Variants in NSL1 observed in about 807,000 individuals in gnomAD.
The protein encoded by NSL1 is NSL1 component of MIS12 kinetochore complex.
Under a neutral mutation model 25.4 loss-of-function variants are expected in NSL1, and 11 were observed. That is an observed-to-expected ratio of 0.43 (90% CI 0.27 to 0.72). The LOEUF (loss-of-function observed/expected upper bound fraction) is 0.72. Ranked by LOEUF, NSL1 falls within the 30% of genes least tolerant of loss-of-function variation. The probability of loss-of-function intolerance (pLI) is 0.19; values close to 1 mark genes in which losing one functional copy is unlikely to be tolerated. For synonymous variants in NSL1, 118 were observed against 120.6 expected (o/e 0.98, Z 0.14); for missense variants, 330 against 342.7 (o/e 0.96, Z 0.29).
chr1:212,739,439 T>C, intron 5 of NSL1, 95 bp downstream of exon 5: 9 of 1,121,578 alleles, frequency 8.0e-6, no homozygotes, highest in Non-Finnish European at 1.2e-5. Flanking sequence ...TGAGAATTCC[T>C]GTTAGAGCAG....
rs555144427 is a variant in NSL1, at chr1:212,729,853, C to T, written c.*8555G>A. The T allele has an allele frequency of 1.5e-5, 15 of 984,876 alleles. No individual in the cohort carries two copies. The highest frequency in any genetic ancestry group is 1.1e-4 in the East Asian group (1 of 8,810). The allele number at this position is 984,876 out of a possible 1,614,324, so 61.0% of individuals were successfully genotyped here. A position where few individuals can be genotyped will look rare whatever the true frequency, so the allele number is the denominator to read the frequency against. ...GCTGCAAAGGGCAGTGATGTGTGGA[C>T]GAAGGGGTTGCTGGGGTGACCCAGG... On this transcript the variant is annotated 3_prime_UTR_variant, in exon 6 of 6. Transcript: ENST00000366977.
At chr1:212,769,743 C>T (rs1392065803) in intron 4 of NSL1, among the ~76,000 whole-genome samples, 1 of 152,070 alleles carries the variant, frequency 6.6e-6, no homozygotes, top group East Asian at 1.9e-4. Flanking sequence ...GTTACCACTA[C>T]AGAAAACCAC....
intron 4 of NSL1, among the ~76,000 whole-genome samples, chr1:212,751,490 T>C (rs1456775623): frequency 1.3e-5 from 2 of 152,212 alleles, no homozygotes; most frequent in East Asian, 3.8e-4. Flanking sequence ...AATTATACTG[T>C]CCTCATAAGA....
At chr1:212,789,472 A>C (rs759686659) in intron 1 of NSL1, among the ~76,000 whole-genome samples, 3 of 143,632 alleles carry the variant, frequency 2.1e-5, no homozygotes, top group Admixed American at 6.7e-5. Flanking sequence ...TCAGCCTCCC[A>C]AAGTGCTGGG....
chr1:212,770,489 C>CA (rs1489515861), intron 4 of NSL1, among the ~76,000 whole-genome samples: 21 of 150,454 alleles, frequency 1.4e-4, no homozygotes, highest in South Asian at 2.1e-4. Flanking sequence ...AACAAACAAA[C>CA]AAACAAAAAA....
At chr1:212,777,067 A>C (rs954441222) in intron 4 of NSL1, among the ~76,000 whole-genome samples, 2 of 151,846 alleles carry the variant, frequency 1.3e-5, no homozygotes, top group African/African-American at 2.4e-5. Context: ...GACTAAAAAA[A>C]AAAAAACAAA....
Position 212,728,456 on chromosome 1 carries a change from A to T in NSL1, c.*9952T>A, listed in dbSNP as rs1424307193. 1 of 985,272 alleles carries T rather than the reference A, an allele frequency of 1.0e-6. No individual in the cohort carries two copies. The highest frequency in any genetic ancestry group is 1.7e-5 in the African/African-American group (1 of 57,232). The allele number at this position is 985,272 out of a possible 1,614,324, so 61.0% of individuals were successfully genotyped here. ...CTCAATCTCTTCCTTTTCTTTGGGT[A>T]ATCTTTTATCTTGAACTACCAAGAG... On this transcript the variant is annotated 3_prime_UTR_variant, in exon 6 of 6. Coordinates refer to ENST00000366977, the MANE Select transcript of NSL1 (RefSeq NM_015471.4).
At chr1:212,762,355 C>T (rs929156968) in intron 4 of NSL1, among the ~76,000 whole-genome samples, 1 of 149,292 alleles carries the variant, frequency 6.7e-6, no homozygotes, top group Non-Finnish European at 1.5e-5. Flanking sequence ...TTGTGTTAGA[C>T]CACATTCAAA....
intron 1 of NSL1, among the ~76,000 whole-genome samples, chr1:212,790,591 T>C (rs1661165045): frequency 6.6e-6 from 1 of 152,114 alleles, no homozygotes. Context: ...TACCGCACAT[T>C]TGTGAGTTAT....
chr1:212,727,011 C>G lies in NSL1; in HGVS notation c.*11397G>C, dbSNP rs1469802059. ...GTGTCCTCTCAGAGGCCCTCCAGTC[C>G]AGTCTACTCCGGCCTTGGAGATGAC... On this transcript the variant is annotated 3_prime_UTR_variant, in exon 6 of 6. Coordinates refer to ENST00000366977, the MANE Select transcript of NSL1 (RefSeq NM_015471.4). The G allele has an allele frequency of 1.4e-5, 16 of 1,165,688 alleles. No individual in the cohort carries two copies. The highest frequency in any genetic ancestry group is 1.8e-5 in the Non-Finnish European group (15 of 834,098). The allele number at this position is 1,165,688 out of a possible 1,614,324, so 72.2% of individuals were successfully genotyped here. A position where few individuals can be genotyped will look rare whatever the true frequency, so the allele number is the denominator to read the frequency against.
intron 4 of NSL1, among the ~76,000 whole-genome samples, chr1:212,768,988 G>GT (rs1659969344): frequency 6.6e-6 from 1 of 151,988 alleles, no homozygotes; most frequent in Non-Finnish European, 1.5e-5. Flanking sequence ...GGAGGCTGCA[G>GT]TAAGCTATGA....
Position 212,727,092 on chromosome 1 carries a change from C to CA in NSL1, c.*11315_*11316insT. On this transcript the variant is annotated 3_prime_UTR_variant, in exon 6 of 6. Transcript: ENST00000366977. ...ACCCAGCTTCATCCTCTTCATCTTG[C>CA]CAGTTCACCAGAGGCAGAAGGGATG... 8 of 1,546,926 alleles carry CA rather than the reference C, an allele frequency of 5.2e-6. No homozygotes were observed. Among genetic ancestry groups the CA allele is most frequent in the East Asian group, 2.5e-5 (1 of 40,746 alleles).
chr1:212,766,857 C>G (rs1044467760), intron 4 of NSL1, among the ~76,000 whole-genome samples: 1 of 151,882 alleles, frequency 6.6e-6, no homozygotes, highest in Admixed American at 6.6e-5. Context: ...AACAAACAAA[C>G]AAAAACTTAG....
intron 4 of NSL1, among the ~76,000 whole-genome samples, chr1:212,769,837 A>G (rs937700904): frequency 6.6e-6 from 1 of 152,222 alleles, no homozygotes; most frequent in Admixed American, 6.5e-5. Context: ...GACAGGAATA[A>G]GCCCTTACAT....
chr1:212,768,125 G>A (rs887193217), intron 4 of NSL1, among the ~76,000 whole-genome samples: 6 of 152,082 alleles, frequency 3.9e-5, no homozygotes, highest in East Asian at 1.9e-4. Flanking sequence ...TTTGAGCCCA[G>A]CCTGGCCAAT....
chr1:212,784,160 G>A, intron 3 of NSL1: 1 of 311,956 alleles, frequency 3.2e-6, no homozygotes, highest in Non-Finnish European at 5.8e-6. Context: ...TTGAACCAGT[G>A]TGTTCAAAAC....
rs1657932497 is a variant in NSL1, at chr1:212,729,721, C to A, written c.*8687G>T. 2 of 985,294 alleles carry A rather than the reference C, an allele frequency of 2.0e-6. No homozygotes were observed. The highest frequency in any genetic ancestry group is 1.2e-4 in the Admixed American group (2 of 16,264). The allele number at this position is 985,294 out of a possible 1,614,324, so 61.0% of individuals were successfully genotyped here. A position where few individuals can be genotyped will look rare whatever the true frequency, so the allele number is the denominator to read the frequency against. ...TGAAGCAAGATACCAAGGTCAAATC[C>A]TCCTCTCTTTTCCTTTTTCCTATCC... On this transcript the variant is annotated 3_prime_UTR_variant, in exon 6 of 6. Transcript: ENST00000366977.
Position 212,733,916 on chromosome 1 carries a change from C to T in NSL1, c.*4492G>A, listed in dbSNP as rs141120105. Reference sequence around the variant, plus strand: ...TGCATGCTATCTCTGGAATGGGTATCGATTAGACTTTGAACTTTATGAACT... The same window carrying T: ...TGCATGCTATCTCTGGAATGGGTATTGATTAGACTTTGAACTTTATGAACT... On this transcript the variant is annotated 3_prime_UTR_variant, in exon 6 of 6. Coordinates refer to ENST00000366977, the MANE Select transcript of NSL1 (RefSeq NM_015471.4). Among the ~76,000 whole-genome samples, 1 of 152,238 alleles carries T rather than the reference C, an allele frequency of 6.6e-6. No individual in the cohort carries two copies. Among genetic ancestry groups the T allele is most frequent in the East Asian group, 1.9e-4 (1 of 5,192 alleles).
At chr1:212,791,434 T>C in intron 1 of NSL1, 96 bp downstream of exon 1, 1 of 1,172,816 alleles carries the variant, frequency 8.5e-7, no homozygotes, top group South Asian at 1.4e-5. Context: ...CACCGTTAAT[T>C]CTGCCAAGGC....
Sources: gnomAD v4.1 joint callset for allele counts (sites outside exome capture counted in the v4.1 genomes callset) on GRCh38, gnomAD v4.1.1 for gene constraint, MANE v1.5 for transcripts, NCBI Gene and HGNC (gene_info 2026-07-23, HGNC 2026-07-21) for gene names.